TJP2: variants seen among roughly 807,000 people sequenced by gnomAD.
The protein encoded by TJP2 is tight junction protein 2.
Under a neutral mutation model 133.1 loss-of-function variants are expected in TJP2, and 91 were observed. That is an observed-to-expected ratio of 0.68 (90% confidence interval 0.58 to 0.81). The LOEUF is 0.81. Among genes scored for constraint, TJP2 ranks in the 40% least tolerant of loss-of-function variants. The pLI is 0.00. For missense variants in TJP2, 1,541 were observed against 1,565.6 expected, an observed-to-expected ratio of 0.98 and a Z score of 0.26; for synonymous variants, 592 against 583.4, an observed-to-expected ratio of 1.01 and a Z score of -0.21.
intron 2 of TJP2, among the ~76,000 whole-genome samples, chr9:69,214,356 G>T (rs1185367258): frequency 1.3e-5 from 2 of 152,106 alleles, no homozygotes; most frequent in Non-Finnish European, 2.9e-5. Context: ...GAAGTGCTGG[G>T]ATTACAGGTG....
At chr9:69,231,801 C>T (rs1374780593) in intron 11 of TJP2, among the ~76,000 whole-genome samples, 1 of 152,162 alleles carries the variant, frequency 6.6e-6, no homozygotes, top group Non-Finnish European at 1.5e-5. Flanking sequence ...ATACCACTCA[C>T]CAAATGTTAC....
In TJP2 at chr9:69,246,768, C is replaced by T. The variant is rs1014295697; in HGVS notation, c.2645C>T (p.Ala882Val). Residue 882 changes from alanine (A) to valine (V), a missense_variant, in exon 18 of 23, where the codon GCG becomes GTG. By Grantham distance (64) the Ala-to-Val change is moderately conservative (BLOSUM62 0). Transcript: ENST00000377245. ...ACTATTCAGCATCAGCAAGGAGAAGCGGTTTGGGTCTCTGAAGGAAAGGTA... is the reference window on the plus strand; with the variant it reads ...ACTATTCAGCATCAGCAAGGAGAAGTGGTTTGGGTCTCTGAAGGAAAGGTA... ...KDTIQHQQGEAVWVSEGKMEG... is the reference protein window; with the variant it reads ...KDTIQHQQGEVVWVSEGKMEG... 2.5e-6 allele frequency: 4 copies of T among 1,614,002 alleles called. No individual in the cohort carries two copies. Among genetic ancestry groups the T allele is most frequent in the Non-Finnish European group, 2.5e-6 (3 of 1,179,982 alleles).
rs1831164521 is a variant in TJP2 at position 69,249,414 on chromosome 9, A to G, written c.2920A>G (p.Arg974Gly). 6.2e-7 allele frequency: 1 copy of G among 1,612,040 alleles called. No individual in the cohort carries two copies. Among genetic ancestry groups the G allele is most frequent in the Non-Finnish European group, 8.5e-7 (1 of 1,178,980 alleles). The change falls in exon 20 of 23, where the codon AGG becomes GGG. Residue 974 changes from arginine to glycine, a missense_variant. Arg to Gly is a moderately radical substitution (Grantham distance 125). Coordinates refer to ENST00000377245, the MANE Select transcript of TJP2 (RefSeq NM_004817.4). ...CAGCCCAGAGCCACGAGCTCAGATG[A>G]GGAGGGCTGCTAGCAGCGATCAACT... ...KPSPEPRAQMRRAASSDQLRD... is the reference protein window; with the variant it reads ...KPSPEPRAQMGRAASSDQLRD...
chr9:69,133,687 G>T (rs747021743), intron 1 of TJP2, among the ~76,000 whole-genome samples: 6 of 151,868 alleles, frequency 4.0e-5, no homozygotes, highest in South Asian at 2.1e-4. Flanking sequence ...GAGTAGCTGG[G>T]ACTACAGCGT....
rs1830157393 is a variant in TJP2 at position 69,235,968 on chromosome 9, G to A, written c.1781-60G>A. On this transcript the variant is annotated intron_variant, in intron 12 of 22. Transcript: ENST00000377245. The stretch of plus-strand genomic sequence containing the variant: ...TCAGAGATAGGAGAAGCTGTGTTGA[G>A]TGTCTAGTACTGTAACTTGTACTAA... The A allele has an allele frequency of 4.0e-6, 6 of 1,491,624 alleles. No individual in the cohort carries two copies. The Admixed American group carries it at 8.4e-5, about 21-fold the overall frequency. The allele number at this position is 1,491,624 out of a possible 1,614,324, so 92.4% of individuals were successfully genotyped here. A position where few individuals can be genotyped will look rare whatever the true frequency, so the allele number is the denominator to read the frequency against.
chr9:69,225,521 CAG>C (rs1175103016), intron 6 of TJP2, 114 bp downstream of exon 6: 2 of 755,746 alleles, frequency 2.6e-6, no homozygotes, highest in East Asian at 2.7e-5. Flanking sequence ...AGTGGTAAGA[CAG>C]AGGTGGCAAG....
chr9:69,182,674 C>T (rs1400512453), intron 1 of TJP2, among the ~76,000 whole-genome samples: 1 of 151,840 alleles, frequency 6.6e-6, no homozygotes, highest in Non-Finnish European at 1.5e-5. Flanking sequence ...ACCTCTGTTA[C>T]AAGTCTGCTT....
rs570018247 is a variant in TJP2, at chr9:69,179,600, C to G, written c.60+5168C>G. Among the ~76,000 whole-genome samples the G allele has an allele frequency of 3.3e-5, 5 of 151,682 alleles. No individual in the cohort carries two copies. The South Asian group carries it at 1.0e-3, about 32-fold the overall frequency. ...CTCGGCTCACTGCAAGCTCCACCTC[C>G]CGGGTTCACGCCATTCAGCCTCCCC... On this transcript the variant is annotated intron_variant, in intron 1 of 22. Coordinates refer to ENST00000377245, the MANE Select transcript of TJP2 (RefSeq NM_004817.4).
chr9:69,226,643 C>T (rs1023853258), intron 7 of TJP2, among the ~76,000 whole-genome samples: 1 of 152,020 alleles, frequency 6.6e-6, no homozygotes, highest in Non-Finnish European at 1.5e-5. Flanking sequence ...GGATTATGGG[C>T]GCCTGCCACC....
At chr9:69,241,196 A>G (rs2133418851) in intron 17 of TJP2, among the ~76,000 whole-genome samples, 1 of 152,370 alleles carries the variant, frequency 6.6e-6, no homozygotes, top group South Asian at 2.1e-4. Context: ...TCATGAAAGT[A>G]AAATGGTCTA....
chr9:69,181,067 A>G (rs1304251237), intron 1 of TJP2, among the ~76,000 whole-genome samples: 1 of 152,152 alleles, frequency 6.6e-6, no homozygotes, highest in African/African-American at 2.4e-5. Flanking sequence ...TGACATTTAT[A>G]TAGTGAGTAG....
chr9:69,222,132 A>G (rs1173282285), intron 5 of TJP2, among the ~76,000 whole-genome samples: 3 of 151,128 alleles, frequency 2.0e-5, no homozygotes, highest in South Asian at 4.2e-4. Flanking sequence ...GCAGCCTCCC[A>G]AAGTGCTGGG....
intron 1 of TJP2, among the ~76,000 whole-genome samples, chr9:69,143,976 T>C (rs1470318032): frequency 6.6e-6 from 1 of 152,222 alleles, no homozygotes; most frequent in African/African-American, 2.4e-5. Flanking sequence ...GTAAATATTA[T>C]GAATATTCAA....
intron 22 of TJP2, 23 bp from the exon 23 acceptor site, chr9:69,254,185 TC>T: frequency 6.2e-7 from 1 of 1,614,152 alleles, no homozygotes; most frequent in Non-Finnish European, 8.5e-7. Flanking sequence ...CTCTGGAATG[TC>T]TTTAACACCC....
intron 5 of TJP2, among the ~76,000 whole-genome samples, chr9:69,221,863 CT>C (rs11308693): frequency 0.25 from 27,983 of 112,010 alleles, 3,686 homozygotes; most frequent in African/African-American, 0.43. Context: ...GGAATAGCTA[CT>C]TTTTTTTTTT....
intron 1 of TJP2, among the ~76,000 whole-genome samples, chr9:69,192,322 G>C (rs1157847540): frequency 6.6e-6 from 1 of 152,022 alleles, no homozygotes; most frequent in Non-Finnish European, 1.5e-5. Context: ...ATTCTCACTT[G>C]ATCCTCACCA....
intron 17 of TJP2, among the ~76,000 whole-genome samples, chr9:69,244,205 AAAGT>A (rs1830769133): frequency 6.6e-6 from 1 of 151,710 alleles, no homozygotes; most frequent in African/African-American, 2.4e-5. Context: ...AAAAAAAAAA[AAAGT>A]ATGCAATTCA....
intron 1 of TJP2, among the ~76,000 whole-genome samples, chr9:69,176,242 C>T (rs1216757740): frequency 6.6e-6 from 1 of 152,160 alleles, no homozygotes; most frequent in African/African-American, 2.4e-5. Flanking sequence ...GCCAGTAATG[C>T]GCCCACCTCA....
intron 1 of TJP2, among the ~76,000 whole-genome samples, chr9:69,140,504 C>G (rs1212178531): frequency 1.3e-5 from 2 of 152,178 alleles, no homozygotes; most frequent in East Asian, 1.9e-4. Flanking sequence ...GAACTACTCT[C>G]TCCAGCTGCT....
Sources: gnomAD v4.1 joint callset for allele counts (sites outside exome capture counted in the v4.1 genomes callset) on GRCh38, gnomAD v4.1.1 for gene constraint, MANE v1.5 for transcripts, NCBI Gene and HGNC (gene_info 2026-07-23, HGNC 2026-07-21) for gene names.